The following PIK3C2G variants were observed in gnomAD, a reference collection of about 807,000 sequenced individuals.
PIK3C2G encodes the protein phosphatidylinositol 3-kinase C2 domain-containing subunit gamma.
Under a neutral mutation model 181.1 loss-of-function variants are expected in PIK3C2G, and 168 were observed. That is an observed-to-expected ratio of 0.93 (90% CI 0.82 to 1.05). The LOEUF is 1.05. Ranked by LOEUF, PIK3C2G falls within the 50% of genes least tolerant of loss-of-function variation. The pLI is 0.00. For missense variants in PIK3C2G, 1,869 were observed against 1,732.8 expected (o/e 1.08, Z -1.40); for synonymous variants, 573 against 592.2 (o/e 0.97, Z 0.47).
At chr12:18,363,608 A>C (rs909993778) in intron 12 of PIK3C2G, among the ~76,000 whole-genome samples, 5 of 151,844 alleles carry the variant, frequency 3.3e-5, no homozygotes, top group African/African-American at 1.2e-4. Context: ...TGCTTCACTC[A>C]GATCAATATT....
intron 15 of PIK3C2G, among the ~76,000 whole-genome samples, chr12:18,394,991 CTTTTCTTTCTCTTTCTTTCTTCT>C (rs927084724): frequency 8.6e-5 from 13 of 151,292 alleles, no homozygotes; most frequent in African/African-American, 2.9e-4. Context: ...TTCTTTCTTT[CTTTTCTTTCTCTTTCTTTCTTCT>C]TTTTCTTTCT....
chr12:18,699,777 G>C, the PIK3C2G span: 1 of 1,606,818 alleles, frequency 6.2e-7, no homozygotes, highest in Non-Finnish European at 8.5e-7. Context: ...TCATCTATTT[G>C]AGTCACAAAA....
At chr12:18,487,428 C>CT (rs893479668) in intron 18 of PIK3C2G, among the ~76,000 whole-genome samples, 20 of 150,580 alleles carry the variant, frequency 1.3e-4, no homozygotes, top group East Asian at 3.9e-4. Flanking sequence ...TTTAAAAATC[C>CT]TTTTTTTTTA....
chr12:18,594,804 A>G (rs1467866179), intron 30 of PIK3C2G, among the ~76,000 whole-genome samples: 5 of 152,026 alleles, frequency 3.3e-5, no homozygotes, highest in Non-Finnish European at 5.9e-5. Flanking sequence ...GGTTGACTCT[A>G]TTTTGTCACT....
At chr12:18,650,712 C>CTATA (rs1157799425), downstream of PIK3C2G, among the ~76,000 whole-genome samples, 85 of 14,512 alleles carry the variant, frequency 5.9e-3, no homozygotes, top group East Asian at 0.014. Context: ...GTGTATATAT[C>CTATA]TATATATATA....
chr12:18,652,505 A>G (rs1055206475), downstream of PIK3C2G, among the ~76,000 whole-genome samples: 7 of 152,228 alleles, frequency 4.6e-5, no homozygotes, highest in East Asian at 3.9e-4. Flanking sequence ...GCTGTGGGGG[A>G]AAAATACTGT....
At chr12:18,465,134 C>CA (rs372153032) in intron 18 of PIK3C2G, among the ~76,000 whole-genome samples, 15 of 151,912 alleles carry the variant, frequency 9.9e-5, no homozygotes, top group African/African-American at 3.6e-4. Context: ...AGAATTGTTA[C>CA]AGCCCTTTGA....
At chr12:18,572,291 T>A (rs1175108509) in intron 29 of PIK3C2G, among the ~76,000 whole-genome samples, 3 of 147,706 alleles carry the variant, frequency 2.0e-5, no homozygotes, top group Admixed American at 1.4e-4. Context: ...TATATAAAAA[T>A]ATATATATTT....
At chr12:18,408,955 G>T (rs573670960) in intron 16 of PIK3C2G, among the ~76,000 whole-genome samples, 2 of 152,260 alleles carry the variant, frequency 1.3e-5, no homozygotes, top group East Asian at 3.9e-4. Flanking sequence ...TGGTGGGAGT[G>T]TAAATTAGTT....
At chr12:18,257,428 GA>G (rs1372239960), upstream of PIK3C2G, among the ~76,000 whole-genome samples, 1 of 152,136 alleles carries the variant, frequency 6.6e-6, no homozygotes, top group Non-Finnish European at 1.5e-5. Flanking sequence ...CAGGAGAACT[GA>G]CACACCCAGG....
intron 30 of PIK3C2G, among the ~76,000 whole-genome samples, chr12:18,604,065 T>C (rs1427215678): frequency 1.3e-5 from 2 of 152,156 alleles, no homozygotes; most frequent in African/African-American, 4.8e-5. Context: ...ACATTGAAGG[T>C]AAATGGCCTA....
chr12:18,412,050 G>A (rs562514829), intron 16 of PIK3C2G, among the ~76,000 whole-genome samples: 55 of 152,080 alleles, frequency 3.6e-4, no homozygotes, highest in African/African-American at 1.2e-3. Flanking sequence ...TGACTCCACC[G>A]GCCCTATTGA....
chr12:18,386,215 C>A (rs1435399198), intron 14 of PIK3C2G, among the ~76,000 whole-genome samples: 1 of 152,186 alleles, frequency 6.6e-6, no homozygotes, highest in African/African-American at 2.4e-5. Context: ...CTGCAGCCCG[C>A]TGCCGTGCAC....
chr12:18,273,297 A>G (rs917593813), intron 1 of PIK3C2G, among the ~76,000 whole-genome samples: 3 of 152,014 alleles, frequency 2.0e-5, no homozygotes, highest in African/African-American at 7.3e-5. Context: ...ATACGGCATT[A>G]TTTCTGAGGG....
chr12:18,587,086 C>T (rs1279214556), intron 29 of PIK3C2G, among the ~76,000 whole-genome samples: 4 of 152,042 alleles, frequency 2.6e-5, no homozygotes, highest in Admixed American at 2.0e-4. Flanking sequence ...TATAACAAAC[C>T]CACAGCCAAC....
chr12:18,448,075 A>G (rs1176292593), intron 18 of PIK3C2G, among the ~76,000 whole-genome samples: 1 of 152,170 alleles, frequency 6.6e-6, no homozygotes, highest in East Asian at 1.9e-4. Context: ...TGTAACGAAG[A>G]ATATTCAATA....
At chr12:18,563,245 C>T (rs1175744695) in intron 27 of PIK3C2G, 132 bp from the exon 28 acceptor site, 3 of 763,900 alleles carry the variant, frequency 3.9e-6, no homozygotes, top group African/African-American at 1.8e-5. Context: ...TTACAAAATG[C>T]ATCTCCTAGC....
chr12:18,626,061 A>T (rs935311732), intron 31 of PIK3C2G, among the ~76,000 whole-genome samples: 1 of 149,648 alleles, frequency 6.7e-6, no homozygotes, highest in African/African-American at 2.4e-5. Context: ...TCATTTTGTT[A>T]CTAACTGTAT....
chr12:18,248,363 G>C (rs920114423), intron 1 of PIK3C2G, among the ~76,000 whole-genome samples: 1 of 152,098 alleles, frequency 6.6e-6, no homozygotes, highest in African/African-American at 2.4e-5. Context: ...ACGAGGTCAG[G>C]AGATCGAGAC....
Sources: gnomAD v4.1 joint callset for allele counts (sites outside exome capture counted in the v4.1 genomes callset) on GRCh38, gnomAD v4.1.1 for gene constraint, MANE v1.5 for transcripts, NCBI Gene and HGNC (gene_info 2026-07-23, HGNC 2026-07-21) for gene names.